The following MYH10 variants were observed in gnomAD, a reference collection of about 807,000 sequenced individuals.
The protein encoded by MYH10 is myosin heavy chain 10.
MYH10 carries 55 observed loss-of-function variants against 257.8 expected under a neutral mutation model. The ratio of observed to expected loss-of-function variants is 0.21; its 90% CI spans 0.17 to 0.27. MYH10 has a LOEUF of 0.27. Ranked by LOEUF, MYH10 falls within the 10% of genes least tolerant of loss-of-function variation. The pLI is 1.00. For missense variants in MYH10, 1,631 were observed against 2,500.6 expected (o/e 0.65, Z 7.42); for synonymous variants, 854 against 921.7 (o/e 0.93, Z 1.33).
intron 32 of MYH10, among the ~76,000 whole-genome samples, chr17:8,493,488 T>C (rs1916090308): frequency 6.6e-6 from 1 of 152,212 alleles, no homozygotes; most frequent in Non-Finnish European, 1.5e-5. Context: ...TCTTAGCTAA[T>C]AGTCCATAAA....
chr17:8,499,601 T>C, intron 29 of MYH10, 125 bp from the exon 30 acceptor site: 4 of 803,864 alleles, frequency 5.0e-6, no homozygotes, highest in Non-Finnish European at 8.0e-6. Context: ...ATCTGTTGAA[T>C]GAATGAATGA....
chr17:8,535,998 C>T lies in MYH10; in HGVS notation c.1606-67G>A, dbSNP rs2082129317. 1.4e-6 allele frequency: 2 copies of T among 1,413,632 alleles called. No homozygotes were observed. Among genetic ancestry groups the T allele is most frequent in the East Asian group, 2.3e-5 (1 of 43,194 alleles). 87.6% of individuals were successfully genotyped at this position (1,413,632 alleles called of 1,614,324 possible). A position where few individuals can be genotyped will look rare whatever the true frequency, so the allele number is the denominator to read the frequency against. On this transcript the variant is annotated intron_variant, in intron 14 of 42. Transcript: ENST00000360416. This position sits in a 1 kb window ranked among gnomAD's most constrained non-coding sequence, Gnocchi z 4.3. ...CACTTTAATACTACTGAGTCTGGCA[C>T]TTAAACTTCTAAAACAATTAGTTTT...
At chr17:8,493,074 T>C (rs181579646) in intron 32 of MYH10, 50 bp from the exon 33 acceptor site, 75 of 1,579,860 alleles carry the variant, frequency 4.7e-5, no homozygotes, top group South Asian at 4.5e-4. Context: ...ATGTACTCAA[T>C]TGGGGCCAGG....
rs188768586 is a variant in MYH10 at position 8,480,836 on chromosome 17, G to A, written c.5265-311C>T. On this transcript the variant is annotated intron_variant, in intron 38 of 42. Coordinates refer to ENST00000360416, the MANE Select transcript of MYH10 (RefSeq NM_001256012.3). Reference sequence around the variant, plus strand: ...CAACAGCCAGAGTCGCTTTCAAAACGCAAGCACGACCCCAGCCTCCCCACC... The same window carrying A: ...CAACAGCCAGAGTCGCTTTCAAAACACAAGCACGACCCCAGCCTCCCCACC... Among the ~76,000 whole-genome samples, 571 of 152,058 alleles carry A rather than the reference G, an allele frequency of 3.8e-3. 2 individuals carry two copies. The highest frequency in any genetic ancestry group is 4.3e-3 in the Non-Finnish European group (294 of 67,992).
chr17:8,563,106 T>C (rs1431752909), intron 7 of MYH10, among the ~76,000 whole-genome samples: 1 of 152,198 alleles, frequency 6.6e-6, no homozygotes, highest in Non-Finnish European at 1.5e-5. Flanking sequence ...TTAAAACACA[T>C]CAGCACAGAT....
chr17:8,583,755 T>C (rs2083796146), intron 4 of MYH10, among the ~76,000 whole-genome samples: 1 of 152,250 alleles, frequency 6.6e-6, no homozygotes, highest in South Asian at 2.1e-4. Flanking sequence ...CTTAATGTAA[T>C]ATTTGTATAT....
intron 37 of MYH10, among the ~76,000 whole-genome samples, 162 bp downstream of exon 37, chr17:8,483,973 CAAG>C (rs1682608323): frequency 6.6e-6 from 1 of 151,998 alleles, no homozygotes; most frequent in South Asian, 2.1e-4. Flanking sequence ...ACTGAAGCAA[CAAG>C]AAGGTTGAGG....
At chr17:8,583,534 A>G (rs2083786795) in intron 4 of MYH10, among the ~76,000 whole-genome samples, 1 of 152,192 alleles carries the variant, frequency 6.6e-6, no homozygotes, top group African/African-American at 2.4e-5. Flanking sequence ...GAGGCTGACA[A>G]TCTGATCCAG....
intron 3 of MYH10, among the ~76,000 whole-genome samples, chr17:8,592,673 A>T (rs2084191759): frequency 6.6e-6 from 1 of 151,356 alleles, no homozygotes; most frequent in Admixed American, 6.6e-5. Flanking sequence ...CTCACAAAGA[A>T]ATCATAGCTC....
chr17:8,501,329 A>G (rs1917474348), intron 28 of MYH10, among the ~76,000 whole-genome samples: 1 of 152,150 alleles, frequency 6.6e-6, no homozygotes, highest in South Asian at 2.1e-4. Flanking sequence ...TGCAACTTCC[A>G]TGCCATGTCT....
At chr17:8,493,603 T>G in intron 32 of MYH10, 130 bp downstream of exon 32, 3 of 1,114,132 alleles carry the variant, frequency 2.7e-6, no homozygotes, top group Non-Finnish European at 3.7e-6. Flanking sequence ...GAAAAACCAT[T>G]TAATGGGCTT....
chr17:8,523,050 C>G (rs2151907284), intron 17 of MYH10, among the ~76,000 whole-genome samples: 1 of 152,316 alleles, frequency 6.6e-6, no homozygotes, highest in South Asian at 2.1e-4. Context: ...ATCAATTCAT[C>G]TGCAACCCTT....
chr17:8,496,377 AGT>A (rs1916629518), intron 30 of MYH10, among the ~76,000 whole-genome samples: 1 of 152,226 alleles, frequency 6.6e-6, no homozygotes, highest in African/African-American at 2.4e-5. Context: ...TCTTGGGAAC[AGT>A]GTGGTGGGGA....
chr17:8,512,242 T>A (rs999415902), intron 24 of MYH10, among the ~76,000 whole-genome samples: 1 of 152,176 alleles, frequency 6.6e-6, no homozygotes, highest in Admixed American at 6.5e-5. Flanking sequence ...TAAAAAAGAT[T>A]CCTATACAAA....
At chr17:8,617,690 CATA>C (rs1224565950) in intron 2 of MYH10, among the ~76,000 whole-genome samples, 2 of 151,978 alleles carry the variant, frequency 1.3e-5, no homozygotes, top group African/African-American at 4.8e-5. Context: ...AAGCAATGAT[CATA>C]ATATTACAAA....
chr17:8,567,123 T>C (rs1413470760), intron 7 of MYH10, among the ~76,000 whole-genome samples: 2 of 152,216 alleles, frequency 1.3e-5, no homozygotes, highest in African/African-American at 4.8e-5. Flanking sequence ...TCCTGTGATA[T>C]AGCCACTAAA....
At chr17:8,612,016 G>T (rs553931864) in intron 2 of MYH10, among the ~76,000 whole-genome samples, 2 of 152,210 alleles carry the variant, frequency 1.3e-5, no homozygotes, top group African/African-American at 4.8e-5. Context: ...AAAAACTCCA[G>T]AAATAAACAG....
intron 3 of MYH10, among the ~76,000 whole-genome samples, chr17:8,604,476 G>A (rs2084723924): frequency 6.6e-6 from 1 of 152,086 alleles, no homozygotes; most frequent in Non-Finnish European, 1.5e-5. Context: ...CCCCAGTGCA[G>A]CATCTACCTT....
rs1917180037 is a variant in MYH10, at chr17:8,499,494, A to G, written c.3745-18T>C. Reference sequence around the variant, plus strand: ...GCTTTGAACTAGGAGACGGAAGGGAAAACATAATTCACTAGTTATTTTCTA... The same window carrying G: ...GCTTTGAACTAGGAGACGGAAGGGAGAACATAATTCACTAGTTATTTTCTA... On this transcript the variant is annotated intron_variant, in intron 29 of 42. Transcript: ENST00000360416. 2 of 1,612,252 alleles carry G rather than the reference A, an allele frequency of 1.2e-6. No individual in the cohort carries two copies. Among genetic ancestry groups the G allele is most frequent in the East Asian group, 4.5e-5 (2 of 44,852 alleles).
Sources: allele counts gnomAD v4.1 joint callset (sites outside exome capture counted in the v4.1 genomes callset), GRCh38; gene constraint gnomAD v4.1.1; non-coding constraint Gnocchi (gnomAD v3.1); transcripts MANE v1.5; gene names NCBI Gene and HGNC (gene_info 2026-07-23, HGNC 2026-07-21).